Variants in CERS6 observed in about 807,000 individuals in gnomAD.
CERS6 encodes the protein LAG1 homolog, ceramide synthase 6.
A neutral mutation model predicts 56.8 loss-of-function variants in CERS6; 26 were observed. The observed-to-expected ratio is 0.46, with a 90% confidence interval of 0.34 to 0.63. The LOEUF is 0.63. Among genes scored for constraint, CERS6 ranks in the 30% least tolerant of loss-of-function variants. CERS6 has a pLI of 0.01. For synonymous variants in CERS6, 164 were observed against 173.3 expected (o/e 0.95, Z 0.42); for missense variants, 415 against 467.5 (o/e 0.89, Z 1.04).
chr2:168,664,894 A>G (rs908017600), intron 4 of CERS6, among the ~76,000 whole-genome samples: 4 of 152,144 alleles, frequency 2.6e-5, no homozygotes, highest in African/African-American at 9.7e-5. Context: ...CCCAGCTCCT[A>G]TTTAAGATGG....
rs558668390 is a variant in CERS6 at position 168,761,454 on chromosome 2, T to C, written c.846-4138T>C. Among the ~76,000 whole-genome samples the C allele has an allele frequency of 2.5e-4, 38 of 152,370 alleles. 1 individual carries two copies. Among genetic ancestry groups the C allele is most frequent in the South Asian group, 6.2e-4 (3 of 4,824 alleles). ...CTATAATCCAGCAAAGGTTAACTTATAATGAATGGCATAATGCAGTCATTG... is the reference window on the plus strand; with the variant it reads ...CTATAATCCAGCAAAGGTTAACTTACAATGAATGGCATAATGCAGTCATTG... On this transcript the variant is annotated intron_variant, in intron 8 of 9. Coordinates refer to ENST00000305747, the MANE Select transcript of CERS6 (RefSeq NM_203463.3).
intron 5 of CERS6, among the ~76,000 whole-genome samples, chr2:168,693,509 G>T (rs1261394381): frequency 6.6e-6 from 1 of 151,964 alleles, no homozygotes; most frequent in African/African-American, 2.4e-5. Flanking sequence ...CTGAGCCAGG[G>T]CCCGATTTTC....
intron 1 of CERS6, among the ~76,000 whole-genome samples, chr2:168,497,052 C>T (rs1694484965): frequency 2.0e-5 from 3 of 152,298 alleles, no homozygotes; most frequent in Non-Finnish European, 1.5e-5. Flanking sequence ...CTGGATAATT[C>T]ATCACTGTGT....
chr2:168,712,638 G>A (rs1646708382), intron 6 of CERS6, among the ~76,000 whole-genome samples: 1 of 152,166 alleles, frequency 6.6e-6, no homozygotes, highest in Non-Finnish European at 1.5e-5. Flanking sequence ...TTTTTAAATA[G>A]TGGTAATAGA....
intron 3 of CERS6, among the ~76,000 whole-genome samples, chr2:168,575,383 G>A (rs1683236321): frequency 6.6e-6 from 1 of 152,048 alleles, no homozygotes; most frequent in Non-Finnish European, 1.5e-5. Context: ...GGAAAGCAAG[G>A]CAGGCACGTC....
At chr2:168,514,160 A>G (rs1022247195) in intron 1 of CERS6, among the ~76,000 whole-genome samples, 2 of 152,178 alleles carry the variant, frequency 1.3e-5, no homozygotes, top group Admixed American at 1.3e-4. Flanking sequence ...GCTTTTTGAC[A>G]GTTTAGTTAC....
intron 8 of CERS6, among the ~76,000 whole-genome samples, chr2:168,733,448 ATG>A (rs1683611458): frequency 6.6e-6 from 1 of 152,204 alleles, no homozygotes; most frequent in African/African-American, 2.4e-5. Context: ...ATTTTCCTTC[ATG>A]TTAACACTGT....
intron 1 of CERS6, among the ~76,000 whole-genome samples, chr2:168,501,186 T>C (rs1170545313): frequency 6.6e-6 from 1 of 152,208 alleles, no homozygotes; most frequent in Non-Finnish European, 1.5e-5. Flanking sequence ...TTTGGTTAAC[T>C]TGAGTTTGGT....
intron 2 of CERS6, among the ~76,000 whole-genome samples, chr2:168,559,291 G>A (rs1179202329): frequency 2.0e-5 from 3 of 152,200 alleles, no homozygotes; most frequent in Non-Finnish European, 2.9e-5. Context: ...GTGATTTGCT[G>A]TGTTTTCTGG....
At chr2:168,510,847 T>A (rs1314981045) in intron 1 of CERS6, among the ~76,000 whole-genome samples, 1 of 152,082 alleles carries the variant, frequency 6.6e-6, no homozygotes, top group Non-Finnish European at 1.5e-5. Flanking sequence ...AAAATAAAGA[T>A]AAAATTTTAT....
At position 168,660,729 on chromosome 2, in the gene CERS6, C is replaced by T. The variant is rs113999097; in HGVS notation, c.465+29687C>T. ...AAATTTCACACGATTTTTTTGCTAT[C>T]GCATAGTCTTTTTTATTATTTTCTT... On this transcript the variant is annotated intron_variant, in intron 4 of 9. Coordinates refer to ENST00000305747, the MANE Select transcript of CERS6 (RefSeq NM_203463.3). 2.5e-3 allele frequency among the ~76,000 whole-genome samples: 386 copies of T among 151,812 alleles called. 2 individuals carry two copies. The highest frequency in any genetic ancestry group is 8.9e-3 in the African/African-American group (370 of 41,442).
At chr2:168,678,879 A>G (rs1362189647) in intron 4 of CERS6, among the ~76,000 whole-genome samples, 2 of 152,180 alleles carry the variant, frequency 1.3e-5, no homozygotes, top group African/African-American at 4.8e-5. Flanking sequence ...AGATATCTGC[A>G]CTCCCATGTT....
intron 6 of CERS6, among the ~76,000 whole-genome samples, chr2:168,701,658 C>CA (rs1266672299): frequency 6.6e-6 from 1 of 152,050 alleles, no homozygotes; most frequent in Non-Finnish European, 1.5e-5. Context: ...GGACCACCAA[C>CA]CCCCGCCCCC....
At chr2:168,599,415 A>G (rs1388249368) in intron 3 of CERS6, among the ~76,000 whole-genome samples, 1 of 152,072 alleles carries the variant, frequency 6.6e-6, no homozygotes, top group African/African-American at 2.4e-5. Flanking sequence ...GTATTTTTCT[A>G]TTTGCATTTT....
intron 3 of CERS6, among the ~76,000 whole-genome samples, chr2:168,586,996 C>A (rs2105400272): frequency 6.6e-6 from 1 of 152,136 alleles, no homozygotes; most frequent in South Asian, 2.1e-4. Context: ...CATGGTGAAA[C>A]CCTGTCTCTA....
At chr2:168,662,535 C>T (rs1006958199) in intron 4 of CERS6, among the ~76,000 whole-genome samples, 5 of 152,094 alleles carry the variant, frequency 3.3e-5, no homozygotes, top group South Asian at 2.1e-4. Flanking sequence ...TCAAGACCAG[C>T]CTGGCCAACA....
chr2:168,629,377 A>G (rs541273659), intron 3 of CERS6, among the ~76,000 whole-genome samples: 3 of 152,330 alleles, frequency 2.0e-5, no homozygotes, highest in Admixed American at 6.5e-5. Context: ...GAAGTAGGCT[A>G]GTTCCATACT....
chr2:168,663,833 TTTTGTTTG>T (rs1172761026), intron 4 of CERS6, among the ~76,000 whole-genome samples: 1 of 152,182 alleles, frequency 6.6e-6, no homozygotes, highest in African/African-American at 2.4e-5. Context: ...ATGGGTGATT[TTTTGTTTG>T]TTTGTTTGTT....
intron 3 of CERS6, among the ~76,000 whole-genome samples, chr2:168,609,137 CTT>C (rs1684125101): frequency 6.6e-6 from 1 of 152,134 alleles, no homozygotes. Flanking sequence ...GAGAGGTTAT[CTT>C]GGATGGTTGG....
Sources: gnomAD v4.1 joint callset for allele counts (sites outside exome capture counted in the v4.1 genomes callset) on GRCh38, gnomAD v4.1.1 for gene constraint, MANE v1.5 for transcripts, NCBI Gene and HGNC (gene_info 2026-07-23, HGNC 2026-07-21) for gene names.